CA5A: variants seen among roughly 807,000 people sequenced by gnomAD.
CA5A encodes the protein carbonic anhydrase 5A.
CA5A carries 28 observed loss-of-function variants against 37.1 expected under a neutral mutation model. That is an observed-to-expected ratio of 0.75 (90% CI 0.56 to 1.03). The LOEUF is 1.03. Among genes scored for constraint, CA5A ranks in the 50% least tolerant of loss-of-function variants. The pLI is 0.00. For synonymous variants in CA5A, 171 were observed against 158.4 expected, an observed-to-expected ratio of 1.08 and a Z score of -0.60; for missense variants, 444 against 399.9, an observed-to-expected ratio of 1.11 and a Z score of -0.94.
intron 2 of CA5A, among the ~76,000 whole-genome samples, chr16:87,922,335 C>T (rs1309952115): frequency 5.9e-5 from 9 of 152,072 alleles, no homozygotes; most frequent in East Asian, 1.9e-4. Flanking sequence ...CAGACAGGCA[C>T]GCAGGTTGAG....
intron 1 of CA5A, among the ~76,000 whole-genome samples, chr16:87,931,544 A>C (rs186515319): frequency 4.0e-4 from 61 of 152,322 alleles, no homozygotes; most frequent in African/African-American, 1.3e-3. Context: ...TCCCAGTCTC[A>C]GTTTCTATAT....
intron 5 of CA5A, among the ~76,000 whole-genome samples, chr16:87,898,524 G>A (rs1469433687): frequency 3.9e-5 from 6 of 152,294 alleles, no homozygotes; most frequent in Admixed American, 6.5e-5. Flanking sequence ...GAAAGCACCC[G>A]CAGCAACAAA....
At chr16:87,895,267 T>C (rs113836477) in intron 5 of CA5A, among the ~76,000 whole-genome samples, 30,412 of 151,738 alleles carry the variant, frequency 0.2, 3,243 homozygotes, top group South Asian at 0.28. Flanking sequence ...GTAAATAGGC[T>C]GGGCACGGTG....
intron 2 of CA5A, among the ~76,000 whole-genome samples, chr16:87,919,569 A>G (rs2144037168): frequency 6.6e-6 from 1 of 152,162 alleles, no homozygotes; most frequent in Admixed American, 6.6e-5. Flanking sequence ...ACAGGAAAGC[A>G]GAGCCTGGGG....
chr16:87,894,156 T>C (rs2055767462), intron 5 of CA5A, among the ~76,000 whole-genome samples: 1 of 151,926 alleles, frequency 6.6e-6, no homozygotes, highest in South Asian at 2.1e-4. Flanking sequence ...TGAGGCAGAG[T>C]CTCACTCTGT....
chr16:87,921,489 G>A (rs770725588), intron 2 of CA5A, among the ~76,000 whole-genome samples: 27 of 152,126 alleles, frequency 1.8e-4, no homozygotes, highest in Non-Finnish European at 3.4e-4. Flanking sequence ...CTTTAAATAC[G>A]TCCTAGAAAA....
At chr16:87,910,022 G>C (rs947565706) in intron 2 of CA5A, among the ~76,000 whole-genome samples, 1 of 152,136 alleles carries the variant, frequency 6.6e-6, no homozygotes, top group African/African-American at 2.4e-5. Context: ...CTGCTGTTAC[G>C]GTTAAGTCAC....
At chr16:87,895,604 C>A (rs1160625596) in intron 5 of CA5A, among the ~76,000 whole-genome samples, 1 of 152,128 alleles carries the variant, frequency 6.6e-6, no homozygotes, top group South Asian at 2.1e-4. Context: ...GGGTACAGTT[C>A]TATGGTTTTG....
intron 2 of CA5A, chr16:87,923,522 C>T: frequency 1.0e-6 from 1 of 984,194 alleles, no homozygotes; most frequent in African/African-American, 1.7e-5. Flanking sequence ...GTCCACATAC[C>T]TTCCTCCTTC....
chr16:87,898,539 G>A (rs148856971), intron 5 of CA5A, among the ~76,000 whole-genome samples: 31 of 152,314 alleles, frequency 2.0e-4, no homozygotes, highest in Admixed American at 7.2e-4. Flanking sequence ...AACAAAAAGC[G>A]ATTTTAACCT....
intron 2 of CA5A, among the ~76,000 whole-genome samples, chr16:87,917,554 G>A (rs530445359): frequency 2.6e-5 from 4 of 152,286 alleles, no homozygotes; most frequent in Admixed American, 2.6e-4. Flanking sequence ...GAAGAAACAG[G>A]AGCTACATAC....
intron 2 of CA5A, among the ~76,000 whole-genome samples, chr16:87,916,159 C>T (rs201887299): frequency 7.1e-6 from 1 of 141,812 alleles, no homozygotes; most frequent in East Asian, 2.0e-4. Context: ...CAGAGCAAGA[C>T]TCCGTCTCAA....
chr16:87,930,960 C>T (rs1157077451), intron 1 of CA5A, among the ~76,000 whole-genome samples: 9 of 151,662 alleles, frequency 5.9e-5, no homozygotes, highest in African/African-American at 9.7e-5. Context: ...AGGATGGTCT[C>T]GATCTCCTGA....
chr16:87,924,121 C>A (rs987366228), intron 2 of CA5A: 1 of 985,280 alleles, frequency 1.0e-6, no homozygotes, highest in Non-Finnish European at 1.2e-6. Flanking sequence ...CTGGTTTGTG[C>A]CTCCCAAGAT....
chr16:87,885,221 A>G, downstream of CA5A: 2 of 167,664 alleles, frequency 1.2e-5, 1 homozygote, highest in Admixed American at 1.2e-4. Context: ...AAAGAGGGTG[A>G]AAGGCAGCCC....
At chr16:87,924,731 A>C (rs900135186) in intron 2 of CA5A, among the ~76,000 whole-genome samples, 20 of 152,242 alleles carry the variant, frequency 1.3e-4, no homozygotes, top group Admixed American at 5.2e-4. Context: ...AGGAAGGTGA[A>C]TGCTGCCTCC....
chr16:87,906,162 C>T (rs1015899939), intron 2 of CA5A, among the ~76,000 whole-genome samples: 13 of 152,122 alleles, frequency 8.5e-5, no homozygotes, highest in African/African-American at 2.9e-4. Flanking sequence ...GGCTGGAAGG[C>T]GCCAGCAGAA....
intron 5 of CA5A, chr16:87,893,704 G>T: frequency 5.7e-6 from 3 of 525,732 alleles, no homozygotes; most frequent in South Asian, 3.0e-5. Context: ...TTTAAAGGCA[G>T]ATTTGGTCGT....
At chr16:87,894,376 C>T (rs756669634) in intron 5 of CA5A, among the ~76,000 whole-genome samples, 1 of 152,028 alleles carries the variant, frequency 6.6e-6, no homozygotes, top group Non-Finnish European at 1.5e-5. Flanking sequence ...ATCACCTTGA[C>T]TTTGCTGGGC....
Sources: allele counts gnomAD v4.1 joint callset (sites outside exome capture counted in the v4.1 genomes callset), GRCh38; gene constraint gnomAD v4.1.1; transcripts MANE v1.5; gene names NCBI Gene and HGNC (gene_info 2026-07-23, HGNC 2026-07-21).